FOXP2: variants seen among roughly 807,000 people sequenced by gnomAD.
FOXP2 encodes the protein forkhead box protein P2.
Under a neutral mutation model 115.8 loss-of-function variants are expected in FOXP2, and 12 were observed. The observed-to-expected ratio is 0.10, with a 90% CI of 0.07 to 0.17. The LOEUF (loss-of-function observed/expected upper bound fraction) is 0.17. Ranked by LOEUF, FOXP2 falls within the 10% of genes least tolerant of loss-of-function variation. The probability of loss-of-function intolerance (pLI) is 1.00; values close to 1 mark genes in which losing one functional copy is unlikely to be tolerated. For missense variants in FOXP2, 629 were observed against 843.5 expected, an observed-to-expected ratio of 0.75 and a Z score of 3.15; for synonymous variants, 328 against 297.7, an observed-to-expected ratio of 1.10 and a Z score of -1.05.
intron 2 of FOXP2, among the ~76,000 whole-genome samples, chr7:114,491,386 A>G (rs1459659800): frequency 6.6e-6 from 1 of 151,310 alleles, no homozygotes. Flanking sequence ...GTTTGAGTTC[A>G]TTGTAGATTC....
chr7:114,330,475 A>C (rs1025607775), intron 2 of FOXP2, among the ~76,000 whole-genome samples: 8 of 132,540 alleles, frequency 6.0e-5, no homozygotes, highest in Admixed American at 1.7e-4. Flanking sequence ...TCTAAAAAAA[A>C]AAAAGTTTAT....
intron 2 of FOXP2, among the ~76,000 whole-genome samples, chr7:114,431,445 A>G (rs1794105993): frequency 6.6e-6 from 1 of 151,986 alleles, no homozygotes; most frequent in Non-Finnish European, 1.5e-5. Context: ...GGTTTAGCAC[A>G]GAAGAAAGTC....
chr7:114,394,856 G>A (rs1441114721), intron 2 of FOXP2, among the ~76,000 whole-genome samples: 1 of 152,136 alleles, frequency 6.6e-6, no homozygotes, highest in Non-Finnish European at 1.5e-5. Flanking sequence ...TAAATACAAT[G>A]TGTGATTCTG....
chr7:114,622,242 G>T (rs891545237), intron 3 of FOXP2, among the ~76,000 whole-genome samples: 2 of 151,576 alleles, frequency 1.3e-5, no homozygotes, highest in Non-Finnish European at 1.5e-5. Flanking sequence ...TAATTTTCAG[G>T]AGAAAAAAAA....
rs1554380027 is a variant in FOXP2 at position 114,378,701 on chromosome 7, A to AAAAAAAAAAAAAAAG, written c.-10-47801_-10-47800insAAAAAAAAAAAAAAG. On this transcript the variant is annotated intron_variant, in intron 2 of 17. Coordinates refer to the FOXP2 transcript ENST00000634411. Reference sequence around the variant, plus strand: ...CCTGTCTCCAAAAAAAAAAAAAAAAAGGAAAAGAAAAAGAAAGAAAGTGAA... The same window carrying AAAAAAAAAAAAAAAG: ...CCTGTCTCCAAAAAAAAAAAAAAAAAAAAAAAAAAAAAAAGGGAAAAGAAAAAGAAAGAAAGTGAA... 2.0e-3 allele frequency among the ~76,000 whole-genome samples: 217 copies of AAAAAAAAAAAAAAAG among 106,708 alleles called. 1 individual carries two copies. The highest frequency in any genetic ancestry group is 3.1e-3 in the Non-Finnish European group (164 of 52,974). The allele number at this position is 106,708 out of a possible 152,430, so 70.0% of individuals were successfully genotyped here. A position where few individuals can be genotyped will look rare whatever the true frequency, so the allele number is the denominator to read the frequency against.
intron 8 of FOXP2, among the ~76,000 whole-genome samples, chr7:114,646,260 A>G (rs944077637): frequency 1.2e-4 from 19 of 152,014 alleles, no homozygotes; most frequent in African/African-American, 4.1e-4. Context: ...CCCACTCACC[A>G]TGCATTTTAT....
intron 16 of FOXP2, among the ~76,000 whole-genome samples, chr7:114,677,600 G>A (rs943128732): frequency 6.6e-6 from 1 of 152,104 alleles, no homozygotes; most frequent in African/African-American, 2.4e-5. Context: ...TGTTTGCTTT[G>A]GGGTATAGGC....
chr7:114,659,061 A>C (rs1806738102), intron 11 of FOXP2, among the ~76,000 whole-genome samples: 1 of 152,184 alleles, frequency 6.6e-6, no homozygotes, highest in South Asian at 2.1e-4. Context: ...AGTCCATGTA[A>C]GAATATGCCT....
At chr7:114,556,889 T>C (rs953023447) in intron 3 of FOXP2, among the ~76,000 whole-genome samples, 22 of 152,212 alleles carry the variant, frequency 1.4e-4, no homozygotes, top group African/African-American at 4.1e-4. Context: ...AAAAAATTAG[T>C]AACTTTAAAG....
chr7:114,395,913 G>A (rs1464341457), intron 2 of FOXP2, among the ~76,000 whole-genome samples: 1 of 151,786 alleles, frequency 6.6e-6, no homozygotes, highest in Admixed American at 6.6e-5. Flanking sequence ...AGGCATTTAT[G>A]TGGTATATGA....
intron 13 of FOXP2, among the ~76,000 whole-genome samples, chr7:114,661,633 C>A (rs542881310): frequency 6.6e-6 from 1 of 152,110 alleles, no homozygotes; most frequent in African/African-American, 2.4e-5. Context: ...AAGCTTTGTG[C>A]AAAATTAACA....
chr7:114,462,083 C>G (rs548589677), intron 2 of FOXP2, among the ~76,000 whole-genome samples: 6 of 151,642 alleles, frequency 4.0e-5, no homozygotes, highest in African/African-American at 1.2e-4. Flanking sequence ...GATCCGAGAC[C>G]ATCCTGACCA....
chr7:114,105,929 A>G (rs1182371557), intron 1 of FOXP2, among the ~76,000 whole-genome samples: 1 of 152,034 alleles, frequency 6.6e-6, no homozygotes, highest in African/African-American at 2.4e-5. Context: ...CTTCTCATGA[A>G]TTGAGAATCT....
At chr7:114,544,165 T>G (rs948638240) in intron 3 of FOXP2, among the ~76,000 whole-genome samples, 1 of 152,096 alleles carries the variant, frequency 6.6e-6, no homozygotes, top group African/African-American at 2.4e-5. Context: ...TCTAGCATGC[T>G]TTTTAAGGGA....
Position 114,630,539 on chromosome 7 carries a change from C to T in FOXP2, c.597+534C>T, listed in dbSNP as rs1804845662. On this transcript the variant is annotated intron_variant, in intron 5 of 16. Transcript: ENST00000350908. ...AAGCGGGCTTCTCAGGCCTAGCTTG[C>T]ACTTGTCAGCAAACTGCATCAAATA... is the stretch of plus-strand genomic sequence containing the variant. 3.6e-5 allele frequency: 6 copies of T among 168,360 alleles called. No individual in the cohort carries two copies. The South Asian group carries it at 8.6e-4, about 24-fold the overall frequency. 10.4% of individuals were successfully genotyped at this position (168,360 alleles called of 1,614,324 possible).
At chr7:114,250,303 A>G (rs529804814) in intron 1 of FOXP2, among the ~76,000 whole-genome samples, 1 of 152,294 alleles carries the variant, frequency 6.6e-6, no homozygotes, top group South Asian at 2.1e-4. Flanking sequence ...TCTTTTGGGT[A>G]TATACCCAGT....
intron 1 of FOXP2, among the ~76,000 whole-genome samples, chr7:114,242,598 TC>T (rs1443871258): frequency 6.6e-6 from 1 of 152,214 alleles, no homozygotes. Flanking sequence ...CTGACTGGAA[TC>T]CTTATCGTGG....
intron 3 of FOXP2, 148 bp from the exon 4 acceptor site, chr7:114,628,392 G>C: frequency 9.5e-7 from 1 of 1,054,222 alleles, no homozygotes; most frequent in Non-Finnish European, 1.4e-6. Flanking sequence ...TAGTACTATT[G>C]TAAAGAAGTT....
At chr7:114,485,657 G>A (rs1034907850) in intron 2 of FOXP2, among the ~76,000 whole-genome samples, 66 of 151,938 alleles carry the variant, frequency 4.3e-4, no homozygotes, top group Middle Eastern at 3.3e-3. Context: ...AGAATAAGGA[G>A]GAGGATAATA....
Sources: gnomAD v4.1 joint callset for allele counts (sites outside exome capture counted in the v4.1 genomes callset) on GRCh38, gnomAD v4.1.1 for gene constraint, MANE v1.5 for transcripts, NCBI Gene and HGNC (gene_info 2026-07-23, HGNC 2026-07-21) for gene names.